TRPC3: variants seen among roughly 807,000 people sequenced by gnomAD.
TRPC3 encodes the protein transient receptor potential cation channel subfamily C member 3, also known as short transient receptor potential channel 3.
In TRPC3, 54 loss-of-function variants were observed where a neutral mutation model predicts 90.9. The ratio of observed to expected loss-of-function variants is 0.59; its 90% CI spans 0.48 to 0.75. The LOEUF (loss-of-function observed/expected upper bound fraction) is 0.75. TRPC3 is among the 30% of genes least tolerant of loss of function. The probability of loss-of-function intolerance (pLI) is 0.00; values close to 1 mark genes in which losing one functional copy is unlikely to be tolerated. For synonymous variants in TRPC3, 424 were observed against 450.9 expected (o/e 0.94, Z 0.75); for missense variants, 918 against 1,194.5 (o/e 0.77, Z 3.41).
chr4:121,945,514 C>T (rs900831383), intron 1 of TRPC3, among the ~76,000 whole-genome samples: 1 of 152,126 alleles, frequency 6.6e-6, no homozygotes, highest in African/African-American at 2.4e-5. Context: ...ACTACAGTGG[C>T]TGTTACAGAA....
At chr4:121,893,872 A>T (rs1336623530) in intron 10 of TRPC3, among the ~76,000 whole-genome samples, 1 of 152,180 alleles carries the variant, frequency 6.6e-6, no homozygotes, top group Non-Finnish European at 1.5e-5. Flanking sequence ...GGTAAAACTC[A>T]TTCATGATAA....
intron 3 of TRPC3, among the ~76,000 whole-genome samples, chr4:121,922,601 T>C (rs1229243019): frequency 2.0e-5 from 3 of 152,210 alleles, no homozygotes; most frequent in African/African-American, 4.8e-5. Context: ...TGCAAGGCAG[T>C]TTAGTTGACT....
At chr4:121,885,933 C>T (rs1037537587) in intron 10 of TRPC3, among the ~76,000 whole-genome samples, 1 of 152,122 alleles carries the variant, frequency 6.6e-6, no homozygotes, top group East Asian at 1.9e-4. Context: ...CATTCTAACT[C>T]TATAAAGACT....
At chr4:121,924,670 A>T (rs1349602213) in intron 3 of TRPC3, among the ~76,000 whole-genome samples, 1 of 152,128 alleles carries the variant, frequency 6.6e-6, no homozygotes, top group Non-Finnish European at 1.5e-5. Flanking sequence ...CCTCCTGAGT[A>T]GCTGGAACTA....
chr4:121,924,895 C>T, intron 3 of TRPC3, 123 bp downstream of exon 3: 1 of 1,082,452 alleles, frequency 9.2e-7, no homozygotes, highest in Non-Finnish European at 1.3e-6. Context: ...GACACAGTCT[C>T]ATTATGTTGC....
At chr4:121,930,985 G>A (rs1401193065) in intron 2 of TRPC3, among the ~76,000 whole-genome samples, 1 of 152,000 alleles carries the variant, frequency 6.6e-6, no homozygotes, top group African/African-American at 2.4e-5. Context: ...CAATAAATGT[G>A]TGTAGCTTTT....
At chr4:121,894,936 C>G (rs1728468671) in intron 10 of TRPC3, among the ~76,000 whole-genome samples, 2 of 151,982 alleles carry the variant, frequency 1.3e-5, no homozygotes, top group Admixed American at 6.6e-5. Context: ...GTCTCAGGAA[C>G]TTAATAAAAT....
chr4:121,937,483 C>A (rs1231603501), intron 1 of TRPC3, among the ~76,000 whole-genome samples: 1 of 152,206 alleles, frequency 6.6e-6, no homozygotes, highest in East Asian at 1.9e-4. Flanking sequence ...AAGCTATTTA[C>A]CTAAACCACA....
Position 121,930,302 on chromosome 4 carries a change from A to G in TRPC3, c.987+1969T>C, listed in dbSNP as rs569161991. 7.2e-5 allele frequency among the ~76,000 whole-genome samples: 11 copies of G among 152,318 alleles called. No homozygotes were observed. In the South Asian group the frequency reaches 8.3e-4, roughly 11 times the overall value. On this transcript the variant is annotated intron_variant, in intron 2 of 11. Transcript: ENST00000379645. Reference sequence around the variant, plus strand: ...TCTAGAAAAAAGAACTGGGAGATTTAGATGATTTTTGCTTAACCTTATAGA... The same window carrying G: ...TCTAGAAAAAAGAACTGGGAGATTTGGATGATTTTTGCTTAACCTTATAGA...
chr4:121,884,056 T>C (rs1319981943), intron 10 of TRPC3, among the ~76,000 whole-genome samples: 5 of 152,224 alleles, frequency 3.3e-5, no homozygotes, highest in Non-Finnish European at 5.9e-5. Context: ...AATAGACAAA[T>C]TGCAGTATTT....
chr4:121,884,260 T>C (rs530377906), intron 10 of TRPC3, among the ~76,000 whole-genome samples: 5 of 152,090 alleles, frequency 3.3e-5, no homozygotes, highest in East Asian at 1.9e-4. Context: ...CTGACACATA[T>C]AAGAAATTAT....
At chr4:121,940,102 C>A (rs1321870350) in intron 1 of TRPC3, among the ~76,000 whole-genome samples, 2 of 152,146 alleles carry the variant, frequency 1.3e-5, no homozygotes, top group Non-Finnish European at 2.9e-5. Context: ...AGACTCTGAG[C>A]CCTTTAGAAG....
At chr4:121,949,087 A>G (rs1212363090) in intron 1 of TRPC3, among the ~76,000 whole-genome samples, 1 of 152,132 alleles carries the variant, frequency 6.6e-6, no homozygotes, top group East Asian at 1.9e-4. Flanking sequence ...ACTGCCTTCC[A>G]ATATCTTTTT....
chr4:121,881,714 T>G (rs1727949928), intron 11 of TRPC3, among the ~76,000 whole-genome samples: 2 of 152,182 alleles, frequency 1.3e-5, no homozygotes, highest in South Asian at 4.1e-4. Flanking sequence ...ACAGTTTCCA[T>G]TTTTAGGGCA....
chr4:121,940,253 C>T (rs1424527640), intron 1 of TRPC3, among the ~76,000 whole-genome samples: 1 of 152,210 alleles, frequency 6.6e-6, no homozygotes, highest in African/African-American at 2.4e-5. Context: ...TGCTTAATTG[C>T]TTAATTGACT....
chr4:121,949,394 G>A (rs1206617877), intron 1 of TRPC3, among the ~76,000 whole-genome samples: 1 of 152,120 alleles, frequency 6.6e-6, no homozygotes, highest in Non-Finnish European at 1.5e-5. Context: ...GGTAAAGGTG[G>A]GATTGTACCC....
intron 5 of TRPC3, 128 bp from the exon 6 acceptor site, chr4:121,910,515 T>C (rs1729042554): frequency 1.4e-6 from 1 of 713,140 alleles, no homozygotes; most frequent in Non-Finnish European, 2.4e-6. Context: ...TCACAAAGCA[T>C]TGACTGACTG....
At chr4:121,945,566 A>T (rs1479743361) in intron 1 of TRPC3, among the ~76,000 whole-genome samples, 1 of 152,202 alleles carries the variant, frequency 6.6e-6, no homozygotes, top group Non-Finnish European at 1.5e-5. Flanking sequence ...GAACGCCCAG[A>T]AATTGAAAGC....
Position 121,910,186 on chromosome 4 carries a change from G to A in TRPC3, c.1760C>T (p.Thr587Ile). 1.2e-6 allele frequency: 2 copies of A among 1,613,568 alleles called. No individual in the cohort carries two copies. Among genetic ancestry groups the A allele is most frequent in the South Asian group, 2.2e-5 (2 of 91,072 alleles). Residue 587 changes from threonine to isoleucine, a missense_variant, in exon 6 of 12, where the codon ACA becomes ATA. Thr to Ile is a moderately conservative substitution (Grantham distance 89, BLOSUM62 -1). Coordinates refer to ENST00000379645, the MANE Select transcript of TRPC3 (RefSeq NM_001130698.2). ...YVQESDLSEVTLPPEIQYFTY... is the reference protein window; with the variant it reads ...YVQESDLSEVILPPEIQYFTY... ...GAAATACTGTATCTCTGGTGGGAGT[G>A]TCACTTCACTGAGGTCACTCTCTTG...
Sources: gnomAD v4.1 joint callset for allele counts (sites outside exome capture counted in the v4.1 genomes callset) on GRCh38, gnomAD v4.1.1 for gene constraint, MANE v1.5 for transcripts, NCBI Gene and HGNC (gene_info 2026-07-23, HGNC 2026-07-21) for gene names.